XKR9: variants seen among roughly 807,000 people sequenced by gnomAD.
The protein encoded by XKR9 is XK-related protein 9.
A neutral mutation model predicts 32.0 loss-of-function variants in XKR9; 32 were observed. That is an observed-to-expected ratio of 1.00 (90% CI 0.76 to 1.34). The LOEUF is 1.34. XKR9 is among the 40% of genes most tolerant of loss of function. XKR9 has a pLI of 0.00. For synonymous variants in XKR9, 168 were observed against 143.4 expected (o/e 1.17, Z -1.22); for missense variants, 546 against 429.7 (o/e 1.27, Z -2.39).
At chr8:70,827,877 A>G in the XKR9 span, among the ~76,000 whole-genome samples, 1 of 152,248 alleles carries the variant, frequency 6.6e-6, no homozygotes, top group African/African-American at 2.4e-5. Flanking sequence ...TGGAATTTAA[A>G]TGGAACTTTC....
the XKR9 span, among the ~76,000 whole-genome samples, chr8:70,832,063 T>C: frequency 6.6e-6 from 1 of 152,162 alleles, no homozygotes; most frequent in Non-Finnish European, 1.5e-5. Flanking sequence ...AATTAACTTT[T>C]AAGAGGTTTA....
chr8:70,688,204 A>G (rs1247807410), intron 3 of XKR9, among the ~76,000 whole-genome samples: 1 of 152,222 alleles, frequency 6.6e-6, no homozygotes, highest in Non-Finnish European at 1.5e-5. Flanking sequence ...CTTCAGAAGT[A>G]TATTAGTAGA....
intron 2 of XKR9, among the ~76,000 whole-genome samples, chr8:70,773,622 A>G (rs1026545138): frequency 9.9e-5 from 15 of 152,220 alleles, no homozygotes; most frequent in Non-Finnish European, 1.3e-4. Context: ...TGATAGCTTC[A>G]TGGTGAAATG....
chr8:70,763,752 T>C (rs1445828069), intron 2 of XKR9, among the ~76,000 whole-genome samples: 1 of 152,226 alleles, frequency 6.6e-6, no homozygotes, highest in Non-Finnish European at 1.5e-5. Flanking sequence ...ACAGTGGTGT[T>C]GCTCCTCTTC....
At chr8:70,756,882 C>G (rs1182582625) in intron 2 of XKR9, among the ~76,000 whole-genome samples, 1 of 152,058 alleles carries the variant, frequency 6.6e-6, no homozygotes, top group East Asian at 1.9e-4. Context: ...AGTATAAGGT[C>G]AAATAGAAGT....
chr8:70,682,001 G>A (rs1344955066), intron 3 of XKR9, among the ~76,000 whole-genome samples: 10 of 151,936 alleles, frequency 6.6e-5, no homozygotes, highest in East Asian at 1.9e-4. Context: ...TGGGAATAAC[G>A]CCATTGTATT....
chr8:70,941,796 G>A, the XKR9 span, among the ~76,000 whole-genome samples: 1 of 152,120 alleles, frequency 6.6e-6, no homozygotes, highest in East Asian at 1.9e-4. Context: ...CCTTTGATAA[G>A]TTGTTGTCTA....
intron 1 of XKR9, among the ~76,000 whole-genome samples, 159 bp from the exon 2 acceptor site, chr8:70,674,659 C>A (rs141542464): frequency 2.0e-3 from 308 of 152,320 alleles, no homozygotes; most frequent in Non-Finnish European, 3.2e-3. Context: ...ATTTCTTCCT[C>A]TCAATGAGAT....
intron 2 of XKR9, among the ~76,000 whole-genome samples, chr8:70,770,512 C>G (rs1183582933): frequency 2.0e-5 from 3 of 152,232 alleles, no homozygotes; most frequent in Non-Finnish European, 4.4e-5. Flanking sequence ...GCTGCACCCA[C>G]AGCCGCATCT....
chr8:70,827,299 G>A, the XKR9 span, among the ~76,000 whole-genome samples: 1 of 152,072 alleles, frequency 6.6e-6, no homozygotes, highest in Non-Finnish European at 1.5e-5. Context: ...AAAACTGATA[G>A]GCAGGGAAGA....
At chr8:70,700,628 C>T (rs890964785) in intron 3 of XKR9, among the ~76,000 whole-genome samples, 1 of 152,198 alleles carries the variant, frequency 6.6e-6, no homozygotes, top group African/African-American at 2.4e-5. Context: ...GCTCGGGGGT[C>T]AGGGGTCAGG....
intron 2 of XKR9, among the ~76,000 whole-genome samples, chr8:70,750,892 A>G (rs1807130394): frequency 6.6e-6 from 1 of 152,180 alleles, no homozygotes; most frequent in South Asian, 2.1e-4. Context: ...TTCTGTGTAG[A>G]TGTTTTTGGA....
At chr8:70,753,551 A>C (rs1407408607) in intron 2 of XKR9, among the ~76,000 whole-genome samples, 2 of 152,202 alleles carry the variant, frequency 1.3e-5, no homozygotes, top group African/African-American at 4.8e-5. Context: ...GCAGCACATC[A>C]AAAAGCTTAT....
the XKR9 span, among the ~76,000 whole-genome samples, chr8:71,040,288 A>G: frequency 6.1e-4 from 93 of 152,300 alleles, 1 homozygote; most frequent in South Asian, 0.019. Context: ...TGACTGCTGA[A>G]GGTACAGATT....
intron 2 of XKR9, among the ~76,000 whole-genome samples, chr8:70,779,083 G>C (rs1807576561): frequency 6.6e-6 from 1 of 152,070 alleles, no homozygotes; most frequent in Non-Finnish European, 1.5e-5. Context: ...TTGGCTGTGG[G>C]TTTGTCATAA....
the XKR9 span, among the ~76,000 whole-genome samples, chr8:70,814,828 A>C: frequency 6.6e-6 from 1 of 152,222 alleles, no homozygotes; most frequent in Non-Finnish European, 1.5e-5. Context: ...CTGATGGTAC[A>C]ATCTTATGTC....
At chr8:70,775,127 T>C (rs1238183738) in intron 2 of XKR9, among the ~76,000 whole-genome samples, 2 of 152,180 alleles carry the variant, frequency 1.3e-5, no homozygotes, top group Non-Finnish European at 1.5e-5. Context: ...TTCTAATTGT[T>C]TATGCTGGGA....
the XKR9 span, among the ~76,000 whole-genome samples, chr8:71,057,990 G>C: frequency 2.0e-5 from 3 of 152,172 alleles, no homozygotes; most frequent in East Asian, 1.9e-4. Flanking sequence ...GACCATCCTG[G>C]CTAACACAGT....
chr8:70,910,773 C>T, the XKR9 span, among the ~76,000 whole-genome samples: 16 of 152,330 alleles, frequency 1.1e-4, no homozygotes, highest in African/African-American at 3.8e-4. Flanking sequence ...ATCAAAGTGT[C>T]TTATCTGGAG....
Sources: allele counts gnomAD v4.1 joint callset (sites outside exome capture counted in the v4.1 genomes callset), GRCh38; gene constraint gnomAD v4.1.1; transcripts MANE v1.5; gene names NCBI Gene and HGNC (gene_info 2026-07-23, HGNC 2026-07-21).